The following MCF2L2 variants were observed in gnomAD, a reference collection of about 807,000 sequenced individuals.
MCF2L2 encodes probable guanine nucleotide exchange factor MCF2L2.
MCF2L2 carries 102 observed loss-of-function variants against 150.2 expected under a neutral mutation model. The ratio of observed to expected loss-of-function variants is 0.68; its 90% confidence interval spans 0.58 to 0.80. MCF2L2 has a LOEUF of 0.80. Ranked by LOEUF, MCF2L2 falls within the 30% of genes least tolerant of loss-of-function variation. MCF2L2 has a pLI of 0.00. For missense variants in MCF2L2, 1,256 were observed against 1,372.8 expected (o/e 0.91, Z 1.34); for synonymous variants, 465 against 491.3 (o/e 0.95, Z 0.71).
chr3:183,427,745 G>C (rs983840878), intron 1 of MCF2L2, among the ~76,000 whole-genome samples, 157 bp downstream of exon 1: 1 of 151,818 alleles, frequency 6.6e-6, no homozygotes, highest in Non-Finnish European at 1.5e-5. Flanking sequence ...GCTGGGCACC[G>C]CAGGCAGGAC....
At chr3:183,332,714 C>T (rs908453959) in intron 5 of MCF2L2, among the ~76,000 whole-genome samples, 7 of 152,242 alleles carry the variant, frequency 4.6e-5, no homozygotes, top group Admixed American at 3.3e-4. Context: ...GATGATGACA[C>T]GTCATCGGCT....
chr3:183,406,577 C>CA (rs1258968149), intron 1 of MCF2L2, among the ~76,000 whole-genome samples: 4 of 152,170 alleles, frequency 2.6e-5, no homozygotes, highest in Non-Finnish European at 5.9e-5. Flanking sequence ...CAACCTCTGC[C>CA]ACCCGGGTCC....
At chr3:183,291,520 T>C (rs1023290081) in intron 13 of MCF2L2, among the ~76,000 whole-genome samples, 1 of 152,204 alleles carries the variant, frequency 6.6e-6, no homozygotes, top group Admixed American at 6.6e-5. Context: ...ACTTCAGAGG[T>C]GTTAGAAGTT....
intron 15 of MCF2L2, among the ~76,000 whole-genome samples, chr3:183,264,640 T>C (rs1466365549): frequency 6.6e-6 from 1 of 152,244 alleles, no homozygotes; most frequent in Non-Finnish European, 1.5e-5. Context: ...CCTCCCCATC[T>C]TGATTAAAAC....
At chr3:183,228,094 A>G (rs1431737258) in intron 18 of MCF2L2, 9 of 508,008 alleles carry the variant, frequency 1.8e-5, no homozygotes, top group Non-Finnish European at 2.8e-5. Context: ...ATCATTTCAC[A>G]GGGTGTAAGT....
chr3:183,382,201 G>T (rs139224513), intron 2 of MCF2L2, among the ~76,000 whole-genome samples: 174 of 152,210 alleles, frequency 1.1e-3, no homozygotes, highest in African/African-American at 3.8e-3. Flanking sequence ...TGGGATTACA[G>T]GCACATGCCA....
At chr3:183,334,793 CAAA>C (rs576703262) in intron 5 of MCF2L2, among the ~76,000 whole-genome samples, 9 of 88,534 alleles carry the variant, frequency 1.0e-4, no homozygotes, top group Admixed American at 2.7e-4. Flanking sequence ...AACTCCATTT[CAAA>C]AAAAAAAAAA....
rs745896636 is a variant in MCF2L2 at position 183,206,230 on chromosome 3, A to C, written c.2713-16T>G. On this transcript the variant is annotated splice_polypyrimidine_tract_variant and intron_variant, in intron 23 of 29. Transcript: ENST00000328913. ...GTGTCATCAGCTATTATAAAGAGGGAAGAGAAATGTTCTATACCATCGTTT... is the reference window on the plus strand; with the variant it reads ...GTGTCATCAGCTATTATAAAGAGGGCAGAGAAATGTTCTATACCATCGTTT... 6.3e-7 allele frequency: 1 copy of C among 1,575,164 alleles called. No individual in the cohort carries two copies. The highest frequency in any genetic ancestry group is 8.7e-7 in the Non-Finnish European group (1 of 1,144,490).
intron 26 of MCF2L2, 132 bp from the exon 27 acceptor site, chr3:183,193,228 C>T: frequency 1.4e-6 from 1 of 703,144 alleles, no homozygotes; most frequent in Admixed American, 2.1e-5. Flanking sequence ...CTGCTCCTCC[C>T]TCACCTGTAG....
intron 27 of MCF2L2, among the ~76,000 whole-genome samples, chr3:183,191,101 C>A (rs527590337): frequency 3.9e-5 from 6 of 152,282 alleles, no homozygotes; most frequent in Admixed American, 3.9e-4. Flanking sequence ...GTCTTCAACT[C>A]CTGACCTCAG....
intron 2 of MCF2L2, among the ~76,000 whole-genome samples, chr3:183,388,364 C>T (rs1713951147): frequency 7.1e-6 from 1 of 139,962 alleles, no homozygotes; most frequent in Non-Finnish European, 1.6e-5. Flanking sequence ...CAACAGTTTC[C>T]AGGAACCCAG....
chr3:183,229,601 C>T, intron 17 of MCF2L2, 65 bp downstream of exon 17: 2 of 735,240 alleles, frequency 2.7e-6, no homozygotes, highest in Non-Finnish European at 4.5e-6. Flanking sequence ...CTCTCAATTC[C>T]ATCAGTCTCA....
chr3:183,400,436 G>C, intron 1 of MCF2L2: 1 of 456,566 alleles, frequency 2.2e-6, no homozygotes, highest in Middle Eastern at 3.3e-4. Context: ...TCCGCACCAA[G>C]GTGTAAGGTG....
chr3:183,278,172 A>G (rs1008951666), intron 14 of MCF2L2, among the ~76,000 whole-genome samples: 3 of 151,242 alleles, frequency 2.0e-5, no homozygotes, highest in African/African-American at 7.3e-5. Context: ...CGACACAGTG[A>G]GACCCTGTCT....
Position 183,289,121 on chromosome 3 carries a change from T to C in MCF2L2, c.1775A>G (p.Lys592Arg). ...KEDDETKFEV[K>R]SEEIFESHHE... ...TAAGTAAAATAAAGGTAATTTTACCTTGACTTCAAATTTAGTCTCATCATC... is the reference window on the plus strand; with the variant it reads ...TAAGTAAAATAAAGGTAATTTTACCCTGACTTCAAATTTAGTCTCATCATC... Residue 592 changes from lysine (K) to arginine (R), a missense_variant and splice_region_variant, in exon 14 of 30, where the codon AAG (lysine) becomes AGG (arginine). Lys to Arg is a conservative substitution (Grantham distance 26). Coordinates refer to ENST00000328913, the MANE Select transcript of MCF2L2 (RefSeq NM_015078.4). 1 of 1,607,076 alleles carries C rather than the reference T, an allele frequency of 6.2e-7. No individual in the cohort carries two copies. The highest frequency in any genetic ancestry group is 8.5e-7 in the Non-Finnish European group (1 of 1,173,738).
chr3:183,398,244 A>C (rs1409508788), intron 1 of MCF2L2, among the ~76,000 whole-genome samples: 2 of 152,146 alleles, frequency 1.3e-5, no homozygotes, highest in African/African-American at 4.8e-5. Flanking sequence ...AGGTAAGCAA[A>C]AATGATGTCT....
chr3:183,249,727 G>A (rs1226885450), intron 15 of MCF2L2, among the ~76,000 whole-genome samples: 40 of 152,222 alleles, frequency 2.6e-4, no homozygotes, highest in Admixed American at 2.6e-3. Context: ...AAGAGCTAGT[G>A]TGTCTCCAGC....
At chr3:183,299,366 C>T (rs563162244) in intron 11 of MCF2L2, 6 of 152,400 alleles carry the variant, frequency 3.9e-5, no homozygotes, top group African/African-American at 1.2e-4. Flanking sequence ...GACCTATCGA[C>T]GCTGAGTCTT....
chr3:183,373,122 G>A (rs760290198), intron 3 of MCF2L2: 40 of 152,178 alleles, frequency 2.6e-4, no homozygotes, highest in Non-Finnish European at 4.7e-4. Context: ...TGACCACTAG[G>A]ATTTATTGTG....
Sources: gnomAD v4.1 joint callset for allele counts (sites outside exome capture counted in the v4.1 genomes callset) on GRCh38, gnomAD v4.1.1 for gene constraint, MANE v1.5 for transcripts, NCBI Gene and HGNC (gene_info 2026-07-23, HGNC 2026-07-21) for gene names.